PDE8B: variants seen among roughly 807,000 people sequenced by gnomAD.
PDE8B encodes the protein phosphodiesterase 8B.
Under a neutral mutation model 101.3 loss-of-function variants are expected in PDE8B, and 26 were observed. The observed-to-expected ratio is 0.26, with a 90% CI of 0.19 to 0.36. The LOEUF (loss-of-function observed/expected upper bound fraction) is 0.36, where lower values mean the gene tolerates loss of function less well. PDE8B is among the 10% of genes least tolerant of loss of function. The probability of loss-of-function intolerance (pLI) is 1.00; values close to 1 mark genes in which losing one functional copy is unlikely to be tolerated. For missense variants in PDE8B, 810 were observed against 1,163.1 expected, an observed-to-expected ratio of 0.70 and a Z score of 4.42; for synonymous variants, 424 against 429.3, an observed-to-expected ratio of 0.99 and a Z score of 0.15.
intron 1 of PDE8B, among the ~76,000 whole-genome samples, chr5:77,224,143 T>C (rs1751824558): frequency 6.6e-6 from 1 of 152,210 alleles, no homozygotes; most frequent in Non-Finnish European, 1.5e-5. Context: ...GTTGGTTCTA[T>C]GGCTTAGCTT....
At chr5:77,400,418 C>T (rs1419811556) in intron 11 of PDE8B, 128 bp downstream of exon 11, 6 of 728,110 alleles carry the variant, frequency 8.2e-6, no homozygotes, top group South Asian at 1.5e-5. Context: ...AATCCACGTG[C>T]TCATATCACA....
chr5:77,177,329 C>T, the PDE8B span, among the ~76,000 whole-genome samples: 2 of 152,188 alleles, frequency 1.3e-5, no homozygotes, highest in Non-Finnish European at 2.9e-5. Context: ...TAGTAATGAA[C>T]CCTGTGTACA....
chr5:77,330,040 G>A (rs1334968747), intron 4 of PDE8B, among the ~76,000 whole-genome samples: 1 of 152,194 alleles, frequency 6.6e-6, no homozygotes, highest in Non-Finnish European at 1.5e-5. Flanking sequence ...TCCAGAGAAA[G>A]CAGAGACATT....
At chr5:77,159,888 G>T in the PDE8B span, among the ~76,000 whole-genome samples, 1 of 152,176 alleles carries the variant, frequency 6.6e-6, no homozygotes, top group Non-Finnish European at 1.5e-5. Flanking sequence ...GAGATTTGGG[G>T]TCTTTCAGTG....
intron 20 of PDE8B, among the ~76,000 whole-genome samples, chr5:77,424,228 G>A (rs1446406593): frequency 6.6e-6 from 1 of 152,214 alleles, no homozygotes; most frequent in East Asian, 1.9e-4. Flanking sequence ...CCCACAGAGA[G>A]AGGACCTGAC....
chr5:77,131,186 T>C, the PDE8B span: 4 of 152,226 alleles, frequency 2.6e-5, no homozygotes, highest in South Asian at 8.3e-4. Flanking sequence ...CCTCTTCCTA[T>C]CCCAACAGGA....
the PDE8B span, among the ~76,000 whole-genome samples, chr5:77,181,709 C>T: frequency 1.3e-5 from 2 of 152,106 alleles, no homozygotes; most frequent in Non-Finnish European, 2.9e-5. Context: ...GACGGTCGGT[C>T]GGGAGGTCAG....
chr5:77,200,117 G>C, the PDE8B span, among the ~76,000 whole-genome samples: 5 of 151,850 alleles, frequency 3.3e-5, no homozygotes, highest in Non-Finnish European at 1.5e-5. Flanking sequence ...TGGGTGTGTG[G>C]GAAAAGACGA....
At chr5:77,402,453 TCA>T (rs940293473) in intron 11 of PDE8B, among the ~76,000 whole-genome samples, 3 of 152,180 alleles carry the variant, frequency 2.0e-5, no homozygotes, top group African/African-American at 4.8e-5. Context: ...TAAAAATAAT[TCA>T]GTTTTAATTT....
intron 13 of PDE8B, among the ~76,000 whole-genome samples, chr5:77,407,785 GCAGGA>G: frequency 6.6e-6 from 1 of 152,304 alleles, no homozygotes; most frequent in South Asian, 2.1e-4. Flanking sequence ...ACTCCGGGTA[GCAGGA>G]ACAGCCAGGG....
intron 12 of PDE8B, among the ~76,000 whole-genome samples, chr5:77,405,999 G>C (rs1366684831): frequency 6.6e-6 from 1 of 152,160 alleles, no homozygotes; most frequent in African/African-American, 2.4e-5. Flanking sequence ...GAAAGTGGCT[G>C]ACATAGGCCA....
At position 77,320,475 on chromosome 5, in the gene PDE8B, T is replaced by G. The variant is rs148655224; in HGVS notation, c.400-5064T>G. On this transcript the variant is annotated intron_variant, in intron 2 of 21. Coordinates refer to ENST00000264917, the MANE Select transcript of PDE8B (RefSeq NM_003719.5). ...AGTGAGATCGATGTGACAAAACTACTTCCTTCTGCTTGTTCTCCTGTGCTT... is the reference window on the plus strand; with the variant it reads ...AGTGAGATCGATGTGACAAAACTACGTCCTTCTGCTTGTTCTCCTGTGCTT... 6.0e-3 allele frequency among the ~76,000 whole-genome samples: 909 copies of G among 152,270 alleles called. 9 individuals carry two copies. Among genetic ancestry groups the G allele is most frequent in the African/African-American group, 0.021 (852 of 41,548 alleles).
intron 4 of PDE8B, 66 bp from the exon 5 acceptor site, chr5:77,331,336 C>A: frequency 7.2e-7 from 1 of 1,385,398 alleles, no homozygotes; most frequent in Non-Finnish European, 1.0e-6. Flanking sequence ...GCTCTCTCTC[C>A]GTGTTTCAGT....
chr5:77,195,732 T>G, the PDE8B span, among the ~76,000 whole-genome samples: 1 of 152,158 alleles, frequency 6.6e-6, no homozygotes, highest in Non-Finnish European at 1.5e-5. Flanking sequence ...AGTCTTATGA[T>G]AAAGTATAGA....
At chr5:77,363,882 A>G (rs1304042987) in intron 10 of PDE8B, among the ~76,000 whole-genome samples, 27 of 152,128 alleles carry the variant, frequency 1.8e-4, no homozygotes, top group Admixed American at 1.8e-3. Flanking sequence ...TCAGCTGCCC[A>G]CCTGGCTTGG....
At chr5:77,295,881 A>G (rs1006472905) in intron 1 of PDE8B, among the ~76,000 whole-genome samples, 2 of 152,210 alleles carry the variant, frequency 1.3e-5, no homozygotes, top group Non-Finnish European at 2.9e-5. Flanking sequence ...TCGTTCTCAC[A>G]TGGTGTCAAG....
chr5:77,234,423 T>C (rs1754257283), intron 1 of PDE8B, among the ~76,000 whole-genome samples: 1 of 152,046 alleles, frequency 6.6e-6, no homozygotes, highest in African/African-American at 2.4e-5. Context: ...GGGGCCCTCC[T>C]CCCCTCGTTA....
At chr5:77,347,936 C>T (rs1780438638) in intron 7 of PDE8B, among the ~76,000 whole-genome samples, 1 of 152,060 alleles carries the variant, frequency 6.6e-6, no homozygotes, top group Non-Finnish European at 1.5e-5. Flanking sequence ...TAAGTGATGC[C>T]CTTCCCTGCC....
rs1748529763 is a variant in PDE8B at position 77,211,982 on chromosome 5, C to T, written c.339+718C>T. 6.6e-6 allele frequency among the ~76,000 whole-genome samples: 1 copy of T among 152,108 alleles called. No individual in the cohort carries two copies. The highest frequency in any genetic ancestry group is 1.5e-5 in the Non-Finnish European group (1 of 68,024). On this transcript the variant is annotated intron_variant, in intron 1 of 21. Transcript: ENST00000264917. This position sits in a 1 kb window ranked among gnomAD's most constrained non-coding sequence, Gnocchi z 4.1. The stretch of plus-strand genomic sequence containing the variant: ...GTACAGCTGTCTGAGGATGATTCTG[C>T]ACATACAACTGATCTTCCCAGAGAG...
Sources: allele counts gnomAD v4.1 joint callset (sites outside exome capture counted in the v4.1 genomes callset), GRCh38; gene constraint gnomAD v4.1.1; non-coding constraint Gnocchi (gnomAD v3.1); transcripts MANE v1.5; gene names NCBI Gene and HGNC (gene_info 2026-07-23, HGNC 2026-07-21).